AFF2: variants seen among roughly 807,000 people sequenced by gnomAD.
The protein encoded by AFF2 is ALF transcription elongation factor 2.
In AFF2, 14 loss-of-function variants were observed where a neutral mutation model predicts 76.9. The observed-to-expected ratio is 0.18, with a 90% CI of 0.12 to 0.28. The LOEUF (loss-of-function observed/expected upper bound fraction) is 0.28. Ranked by LOEUF, AFF2 falls within the 10% of genes least tolerant of loss-of-function variation. AFF2 has a pLI of 1.00. For missense variants in AFF2, 868 were observed against 1,001.1 expected (o/e 0.87, Z 1.79); for synonymous variants, 398 against 366.7 (o/e 1.09, Z -0.98).
At chrX:148,814,230 G>A (rs782552364) in intron 4 of AFF2, among the ~76,000 whole-genome samples, 2 of 111,585 alleles carry the variant, frequency 1.8e-5, no homozygotes, top group African/African-American at 3.3e-5. Flanking sequence ...TGAGCTCTAC[G>A]GGGTTTTATG....
At chrX:148,981,617 T>A (rs2341920) in intron 19 of AFF2, among the ~76,000 whole-genome samples, 1 of 110,147 alleles carries the variant, frequency 9.1e-6, no homozygotes, top group South Asian at 3.9e-4. Flanking sequence ...TCCTCTGATT[T>A]CCAAATACCC....
At chrX:148,924,975 C>T (rs1569557155) in intron 9 of AFF2, among the ~76,000 whole-genome samples, 1 of 112,436 alleles carries the variant, frequency 8.9e-6, no homozygotes, top group Non-Finnish European at 1.9e-5. Context: ...CTAAATCTAA[C>T]CATTCCATCA....
At chrX:148,570,393 A>C (rs782039029) in intron 1 of AFF2, among the ~76,000 whole-genome samples, 1 of 112,469 alleles carries the variant, frequency 8.9e-6, no homozygotes, top group South Asian at 3.7e-4. Flanking sequence ...TAGGTGGATC[A>C]AGATTTGAAG....
chrX:148,775,293 G>A (rs782664823), intron 3 of AFF2, among the ~76,000 whole-genome samples: 48 of 111,691 alleles, frequency 4.3e-4, no homozygotes, highest in African/African-American at 1.4e-3. Flanking sequence ...TAGAACTATC[G>A]AAACAGACAA....
chrX:148,933,562 G>A (rs1001401927), intron 9 of AFF2, among the ~76,000 whole-genome samples: 6 of 111,019 alleles, frequency 5.4e-5, no homozygotes, highest in African/African-American at 9.9e-5. Context: ...GGTGATGAGC[G>A]GTGAAGAGTG....
intron 3 of AFF2, among the ~76,000 whole-genome samples, chrX:148,669,592 C>CG (rs782517770): frequency 4.5e-5 from 5 of 111,003 alleles, no homozygotes; most frequent in Non-Finnish European, 7.5e-5. Flanking sequence ...CTTATAATAA[C>CG]CATCAGATCT....
intron 4 of AFF2, among the ~76,000 whole-genome samples, chrX:148,815,879 T>G (rs2070259123): frequency 9.0e-6 from 1 of 111,645 alleles, no homozygotes; most frequent in Non-Finnish European, 1.9e-5. Context: ...TTCCTGTATA[T>G]CTTAGGTATG....
In AFF2 at chrX:148,599,441, A is replaced by G. The variant is rs199836194; in HGVS notation, c.48-52558A>G. ...GCCATATGGCTTGATCAGTCCAAAC[A>G]TTTGACTTGATGTGGCTCTGCTTGG... On this transcript the variant is annotated intron_variant, in intron 1 of 20. Coordinates refer to ENST00000370460, the MANE Select transcript of AFF2 (RefSeq NM_002025.4). Among the ~76,000 whole-genome samples the G allele has an allele frequency of 1.9e-4, 21 of 111,234 alleles. No individual in the cohort carries two copies. In the East Asian group the frequency reaches 6.0e-3, roughly 32 times the overall value.
At chrX:148,563,969 T>C (rs782429892) in intron 1 of AFF2, among the ~76,000 whole-genome samples, 4 of 112,067 alleles carry the variant, frequency 3.6e-5, no homozygotes, top group Non-Finnish European at 7.5e-5. Context: ...AACTTGACTA[T>C]CTTTTGTTTC....
chrX:148,893,558 T>C (rs1417815661), intron 8 of AFF2, among the ~76,000 whole-genome samples: 5 of 112,539 alleles, frequency 4.4e-5, no homozygotes, highest in African/African-American at 1.6e-4. Context: ...TATCCAACTA[T>C]GAGCATTTCA....
At chrX:148,934,497 A>T (rs1169546126) in intron 9 of AFF2, among the ~76,000 whole-genome samples, 1 of 112,558 alleles carries the variant, frequency 8.9e-6, no homozygotes, top group Non-Finnish European at 1.9e-5. Flanking sequence ...AAACCTGGGT[A>T]TTCAAAGAAC....
chrX:148,537,634 A>G (rs1273901904), intron 1 of AFF2, among the ~76,000 whole-genome samples: 1 of 108,356 alleles, frequency 9.2e-6, no homozygotes, highest in Non-Finnish European at 1.9e-5. Context: ...TTTGCAGTGT[A>G]TGTTTTTGTT....
chrX:148,878,793 C>A (rs1197683767), intron 7 of AFF2, among the ~76,000 whole-genome samples: 1 of 112,409 alleles, frequency 8.9e-6, no homozygotes. Context: ...AACACACACA[C>A]TTCTAAAAAA....
rs35481955 is a variant in AFF2 at position 148,955,935 on chromosome X, G to T, written c.1890G>T (p.Gln630His). The change falls in exon 11 of 21, where the codon CAG becomes CAT. Residue 630 changes from glutamine (Q) to histidine (H), a missense_variant. Gln to His is a conservative substitution (Grantham distance 24). Transcript: ENST00000370460. ...CTCAAAGGACAATTGGGAAAAAACA[G>T]CCCAAAAAAGTTGAGAAGAACACCA... ...TVSQRTIGKKQPKKVEKNTST... is the reference protein window; with the variant it reads ...TVSQRTIGKKHPKKVEKNTST... 38 of 1,209,364 alleles carry T rather than the reference G, an allele frequency of 3.1e-5. No individual in the cohort carries two copies. The highest frequency in any genetic ancestry group is 1.5e-5 in the Non-Finnish European group (13 of 895,176).
intron 5 of AFF2, among the ~76,000 whole-genome samples, chrX:148,841,552 G>A (rs1332875131): frequency 2.7e-5 from 3 of 111,798 alleles, no homozygotes; most frequent in Non-Finnish European, 5.6e-5. Flanking sequence ...CTGCAATTAT[G>A]TTCTCAGGGT....
At chrX:148,792,168 C>T (rs782180231) in intron 3 of AFF2, among the ~76,000 whole-genome samples, 1 of 111,981 alleles carries the variant, frequency 8.9e-6, no homozygotes, top group East Asian at 2.8e-4. Context: ...ACCTCACTTT[C>T]ATCATCTACA....
At chrX:148,678,597 G>T (rs145144428) in intron 3 of AFF2, among the ~76,000 whole-genome samples, 70 of 112,035 alleles carry the variant, frequency 6.2e-4, no homozygotes, top group Non-Finnish European at 1.1e-4. Flanking sequence ...AAAAGTCACA[G>T]GTGAAACCTT....
At chrX:148,737,325 T>C (rs2055296633) in intron 3 of AFF2, among the ~76,000 whole-genome samples, 1 of 111,571 alleles carries the variant, frequency 9.0e-6, no homozygotes, top group African/African-American at 3.3e-5. Flanking sequence ...TTGTAGATGT[T>C]TTTTTCTCCT....
At chrX:148,569,841 C>T (rs143402078) in intron 1 of AFF2, among the ~76,000 whole-genome samples, 1 of 111,252 alleles carries the variant, frequency 9.0e-6, no homozygotes. Flanking sequence ...GTAATGTTTA[C>T]CAAACTACTC....
Sources: gnomAD v4.1 joint callset for allele counts (sites outside exome capture counted in the v4.1 genomes callset) on GRCh38, gnomAD v4.1.1 for gene constraint, MANE v1.5 for transcripts, NCBI Gene and HGNC (gene_info 2026-07-23, HGNC 2026-07-21) for gene names.